The following P2RY8 variants were observed in gnomAD, a reference collection of about 807,000 sequenced individuals.
The protein encoded by P2RY8 is P2Y receptor family member 8, also known as S-geranylgeranyl-glutathione receptor P2RY8.
In P2RY8, 6 loss-of-function variants were observed where a neutral mutation model predicts 10.0. That is an observed-to-expected ratio of 0.60 (90% CI 0.33 to 1.19). P2RY8 has a LOEUF of 1.19. P2RY8 is among the 50% of genes most tolerant of loss of function. The pLI, the probability that P2RY8 is intolerant of heterozygous loss-of-function variation, is 0.04. For synonymous variants in P2RY8, 276 were observed against 252.5 expected, an observed-to-expected ratio of 1.09 and a Z score of -0.88; for missense variants, 456 against 542.0, an observed-to-expected ratio of 0.84 and a Z score of 1.58.
chrX:1,465,929 C>T lies in P2RY8; in HGVS notation c.630G>A (p.Val210=), dbSNP rs1333431927. ...LLFLIPFVIT[V]ACYTATILKL... ...TGAGGATGGTGGCCGTGTAACAAGCCACGGTGATCACGAACGGGATGAGGA... is the reference window on the plus strand; with the variant it reads ...TGAGGATGGTGGCCGTGTAACAAGCTACGGTGATCACGAACGGGATGAGGA... The change falls in exon 2 of 2, where the codon GTG becomes GTA. Residue 210 remains valine (V), a synonymous_variant. Transcript: ENST00000381297. The T allele has an allele frequency of 2.5e-6, 4 of 1,612,498 alleles. No homozygotes were observed. The highest frequency in any genetic ancestry group is 1.7e-6 in the Non-Finnish European group (2 of 1,179,786).
At chrX:1,497,547 A>G (rs1324203464) in intron 1 of P2RY8, among the ~76,000 whole-genome samples, 1 of 151,756 alleles carries the variant, frequency 6.6e-6, no homozygotes, top group African/African-American at 2.4e-5. Context: ...AATCCCAGCT[A>G]CTCAGGAGGC....
At chrX:1,478,184 C>A (rs2091896402) in intron 1 of P2RY8, among the ~76,000 whole-genome samples, 1 of 151,496 alleles carries the variant, frequency 6.6e-6, no homozygotes, top group Non-Finnish European at 1.5e-5. Flanking sequence ...TGTTTCCAAT[C>A]CTAAGCATTT....
chrX:1,467,880 T>C (rs1342197444), intron 1 of P2RY8, among the ~76,000 whole-genome samples: 2 of 151,512 alleles, frequency 1.3e-5, no homozygotes, highest in East Asian at 1.9e-4. Context: ...AGTTTTGCTA[T>C]GTTTCCCAGG....
chrX:1,516,906 T>G (rs756189838), intron 1 of P2RY8, among the ~76,000 whole-genome samples: 1 of 151,314 alleles, frequency 6.6e-6, no homozygotes, highest in Admixed American at 6.6e-5. Context: ...TCCAGGGCTG[T>G]GGGACAATCA....
intron 1 of P2RY8, among the ~76,000 whole-genome samples, chrX:1,505,987 C>CTTTTTTTTT (rs542485545): frequency 2.8e-5 from 3 of 108,840 alleles, no homozygotes; most frequent in African/African-American, 3.6e-5. Flanking sequence ...TTTCTTTCTT[C>CTTTTTTTTT]TTTTTTTTTT....
chrX:1,524,373 T>TCATACATCCATACATCCACG (rs1569538677), intron 1 of P2RY8, among the ~76,000 whole-genome samples: 221 of 98,558 alleles, frequency 2.2e-3, no homozygotes, highest in African/African-American at 6.2e-3. Flanking sequence ...ATCCATCCAC[T>TCATACATCCATACATCCACG]CATCCATCCA....
chrX:1,511,973 A>G (rs2092300353), intron 1 of P2RY8, among the ~76,000 whole-genome samples: 2 of 152,058 alleles, frequency 1.3e-5, no homozygotes, highest in African/African-American at 2.4e-5. Flanking sequence ...CTTCGGTGAT[A>G]TGGGGGCCCA....
At chrX:1,491,152 A>G (rs1298452689) in intron 1 of P2RY8, among the ~76,000 whole-genome samples, 1 of 149,896 alleles carries the variant, frequency 6.7e-6, no homozygotes, top group Non-Finnish European at 1.5e-5. Flanking sequence ...GAATGAATGA[A>G]TGATACCCCA....
intron 1 of P2RY8, among the ~76,000 whole-genome samples, chrX:1,472,769 A>G (rs1183751184): frequency 1.6e-5 from 2 of 123,122 alleles, no homozygotes; most frequent in Non-Finnish European, 3.4e-5. Flanking sequence ...TTAGGTGGAT[A>G]GATGTGTGGG....
intron 1 of P2RY8, among the ~76,000 whole-genome samples, chrX:1,507,714 T>C (rs1324531241): frequency 2.6e-5 from 4 of 152,156 alleles, no homozygotes; most frequent in African/African-American, 4.8e-5. Context: ...CCCTGCCACA[T>C]TCATGAGTAG....
At chrX:1,498,523 T>TA (rs1491373967) in intron 1 of P2RY8, among the ~76,000 whole-genome samples, 1 of 43,104 alleles carries the variant, frequency 2.3e-5, no homozygotes. Flanking sequence ...CAACTCTGTA[T>TA]TTTTTTTTTT....
intron 1 of P2RY8, among the ~76,000 whole-genome samples, chrX:1,480,877 A>C (rs768174289): frequency 9.2e-5 from 14 of 151,646 alleles, no homozygotes; most frequent in African/African-American, 3.2e-4. Flanking sequence ...AAAATGTGCC[A>C]AAAAAAACTC....
At chrX:1,513,770 C>A (rs764178397) in intron 1 of P2RY8, among the ~76,000 whole-genome samples, 143 of 151,592 alleles carry the variant, frequency 9.4e-4, no homozygotes, top group African/African-American at 3.4e-3. Flanking sequence ...GAGGATCCCT[C>A]CTGCCTCTCC....
chrX:1,534,746 G>C (rs73188707), intron 1 of P2RY8, among the ~76,000 whole-genome samples: 15,607 of 152,136 alleles, frequency 0.1, 879 homozygotes, highest in African/African-American at 0.12. Flanking sequence ...CTCTCCAAGC[G>C]CAGGGCTGTA....
chrX:1,479,269 C>T (rs2091910099), intron 1 of P2RY8, among the ~76,000 whole-genome samples: 1 of 152,238 alleles, frequency 6.6e-6, no homozygotes, highest in Admixed American at 6.5e-5. Context: ...GTAGGACATA[C>T]ACCCGTCACC....
chrX:1,465,427 C>T lies in P2RY8; in HGVS notation c.*52G>A, dbSNP rs193147879. ...TCTGGCACCGTGGCCTCTCCATGCG[C>T]CCCTGGATCTCCAAGCTGCGCCCCC... On this transcript the variant is annotated 3_prime_UTR_variant, in exon 2 of 2. Transcript: ENST00000381297. 6.4e-3 allele frequency: 9,910 copies of T among 1,549,702 alleles called. 89 individuals are homozygous for T. The highest frequency in any genetic ancestry group is 0.027 in the South Asian group (2,164 of 81,286).
chrX:1,468,720 A>C, intron 1 of P2RY8, among the ~76,000 whole-genome samples: 2 of 140,172 alleles, frequency 1.4e-5, no homozygotes, highest in Non-Finnish European at 1.6e-5. Context: ...TGTAGGTGGG[A>C]CCCTCCTCTC....
At chrX:1,515,532 C>T (rs1475018976) in intron 1 of P2RY8, among the ~76,000 whole-genome samples, 8 of 151,374 alleles carry the variant, frequency 5.3e-5, no homozygotes, top group Non-Finnish European at 8.8e-5. Flanking sequence ...CCATCACACC[C>T]GGCTAATTTT....
intron 1 of P2RY8, among the ~76,000 whole-genome samples, chrX:1,502,836 G>A (rs1287203025): frequency 1.3e-4 from 19 of 150,978 alleles, no homozygotes; most frequent in Admixed American, 3.3e-4. Context: ...GGAATGACGC[G>A]GCCACAAGCC....
Sources: gnomAD v4.1 joint callset for allele counts (sites outside exome capture counted in the v4.1 genomes callset) on GRCh38, gnomAD v4.1.1 for gene constraint, MANE v1.5 for transcripts, NCBI Gene and HGNC (gene_info 2026-07-23, HGNC 2026-07-21) for gene names.